Variants in LARS2 observed in about 807,000 individuals in gnomAD.
LARS2 encodes the protein leucine--tRNA ligase, mitochondrial.
In LARS2, 81 loss-of-function variants were observed where a neutral mutation model predicts 116.6. The ratio of observed to expected loss-of-function variants is 0.69; its 90% confidence interval spans 0.58 to 0.84. The LOEUF (loss-of-function observed/expected upper bound fraction) is 0.84, where lower values mean the gene tolerates loss of function less well. Ranked by LOEUF, LARS2 falls within the 40% of genes least tolerant of loss-of-function variation. The pLI is 0.00. For missense variants in LARS2, 968 were observed against 1,114.5 expected, an observed-to-expected ratio of 0.87 and a Z score of 1.87; for synonymous variants, 396 against 407.2, an observed-to-expected ratio of 0.97 and a Z score of 0.33.
intron 15 of LARS2, among the ~76,000 whole-genome samples, chr3:45,505,754 A>G (rs1194486967): frequency 6.6e-6 from 1 of 152,054 alleles, no homozygotes; most frequent in Non-Finnish European, 1.5e-5. Flanking sequence ...TATGTAAGTG[A>G]TTTCTAGCTC....
chr3:45,494,105 G>T (rs1403567447), intron 13 of LARS2, among the ~76,000 whole-genome samples: 1 of 152,108 alleles, frequency 6.6e-6, no homozygotes. Context: ...TTCCCCGAGG[G>T]CTCTCTCTGA....
chr3:45,443,957 C>T (rs1051142783), intron 6 of LARS2, among the ~76,000 whole-genome samples: 2 of 151,416 alleles, frequency 1.3e-5, no homozygotes, highest in Non-Finnish European at 2.9e-5. Flanking sequence ...AGTAGGCTAA[C>T]GCTTGGTTGG....
intron 14 of LARS2, among the ~76,000 whole-genome samples, chr3:45,496,948 C>A (rs1343672172): frequency 6.6e-6 from 1 of 152,210 alleles, no homozygotes; most frequent in Middle Eastern, 3.2e-3. Context: ...ACCCTCCTTG[C>A]AGTGAACTGC....
intron 8 of LARS2, among the ~76,000 whole-genome samples, chr3:45,472,490 A>G (rs1457976766): frequency 2.6e-5 from 4 of 152,176 alleles, no homozygotes; most frequent in African/African-American, 7.2e-5. Flanking sequence ...CTATAAAGAG[A>G]GAGGATTCTG....
At chr3:45,519,486 G>A (rs1449754072) in intron 18 of LARS2, among the ~76,000 whole-genome samples, 5 of 94,058 alleles carry the variant, frequency 5.3e-5, no homozygotes, top group African/African-American at 5.9e-5. Context: ...GCGAGTCTCC[G>A]TCTCAAAAAA....
rs751609685 is a variant in LARS2, at chr3:45,496,308, G to A, written c.1557G>A (p.Thr519=). 1.4e-5 allele frequency: 23 copies of A among 1,613,934 alleles called. No homozygotes were observed. Among genetic ancestry groups the A allele is most frequent in the South Asian group, 7.7e-5 (7 of 91,088 alleles). ...CKGAAKRETD[T]MDTFVDSAWY... ...GAGCAGCCAAGAGAGAGACAGACAC[G>A]ATGGATACCTTTGTTGATTCTGCTT... The change falls in exon 14 of 22, where the codon ACG becomes ACA. Residue 519 remains threonine, a synonymous_variant. Coordinates refer to ENST00000645846, the MANE Select transcript of LARS2 (RefSeq NM_015340.4).
intron 14 of LARS2, among the ~76,000 whole-genome samples, chr3:45,500,154 A>G (rs1700094798): frequency 6.6e-6 from 1 of 152,100 alleles, no homozygotes; most frequent in Non-Finnish European, 1.5e-5. Flanking sequence ...GGTGCCCACC[A>G]CTACAACTGG....
chr3:45,467,601 A>G (rs956970132), intron 8 of LARS2, among the ~76,000 whole-genome samples: 2 of 152,224 alleles, frequency 1.3e-5, no homozygotes, highest in Admixed American at 1.3e-4. Flanking sequence ...AATGCTCTCA[A>G]TATATTGTAA....
At chr3:45,538,748 A>G (rs74937056) in intron 20 of LARS2, among the ~76,000 whole-genome samples, 7,310 of 152,304 alleles carry the variant, frequency 0.048, 183 homozygotes, top group Middle Eastern at 0.085. Context: ...AAATAAGGCT[A>G]TGGCACTGGC....
At chr3:45,414,648 G>T (rs747253007) in intron 4 of LARS2, among the ~76,000 whole-genome samples, 2 of 151,874 alleles carry the variant, frequency 1.3e-5, no homozygotes, top group Admixed American at 6.6e-5. Flanking sequence ...AGGATAGCTG[G>T]CAGCCAGGAG....
intron 14 of LARS2, among the ~76,000 whole-genome samples, chr3:45,497,165 G>T (rs1700027305): frequency 6.6e-6 from 1 of 151,108 alleles, no homozygotes; most frequent in South Asian, 2.1e-4. Context: ...ACAACCAAAA[G>T]AATTAAAAGT....
intron 10 of LARS2, among the ~76,000 whole-genome samples, chr3:45,484,603 C>CA (rs1156814528): frequency 0.026 from 385 of 14,728 alleles, 89 homozygotes; most frequent in African/African-American, 0.067. Context: ...CCTGTCTCTA[C>CA]AAAAAAAAAA....
intron 17 of LARS2, 45 bp downstream of exon 17, chr3:45,516,321 C>A: frequency 6.4e-7 from 1 of 1,563,142 alleles, no homozygotes; most frequent in South Asian, 1.2e-5. Context: ...TGTGATCTGC[C>A]CTGGACTTTG....
At chr3:45,484,630 A>AAAAAATATAT (rs1553634443) in intron 10 of LARS2, among the ~76,000 whole-genome samples, 1 of 9,746 alleles carries the variant, frequency 1.0e-4, no homozygotes, top group African/African-American at 1.8e-4. Flanking sequence ...AAAAAAAAAA[A>AAAAAATATAT]ATATATATAT....
intron 6 of LARS2, among the ~76,000 whole-genome samples, chr3:45,438,382 C>T (rs1294278993): frequency 6.6e-6 from 1 of 152,096 alleles, no homozygotes; most frequent in African/African-American, 2.4e-5. Flanking sequence ...GGTTTTGCTT[C>T]TGCCACCCAG....
chr3:45,486,872 A>C (rs1379605468), intron 11 of LARS2, among the ~76,000 whole-genome samples: 1 of 152,128 alleles, frequency 6.6e-6, no homozygotes, highest in Non-Finnish European at 1.5e-5. Flanking sequence ...ATTTTGAATC[A>C]TTACTGACAC....
intron 15 of LARS2, among the ~76,000 whole-genome samples, chr3:45,504,815 C>A (rs188132249): frequency 1.9e-4 from 28 of 150,754 alleles, no homozygotes; most frequent in African/African-American, 6.8e-4. Context: ...TGTGATGGCT[C>A]ACACCTGTAA....
intron 8 of LARS2, among the ~76,000 whole-genome samples, chr3:45,459,657 C>G (rs1699280005): frequency 1.3e-5 from 2 of 152,146 alleles, no homozygotes; most frequent in African/African-American, 4.8e-5. Flanking sequence ...GGTACTGGAA[C>G]CACTCTGTGC....
chr3:45,473,257 A>G (rs1699556592), intron 8 of LARS2, among the ~76,000 whole-genome samples: 1 of 152,228 alleles, frequency 6.6e-6, no homozygotes, highest in African/African-American at 2.4e-5. Context: ...TTATTGTAAA[A>G]TGAAATATGG....
Sources: gnomAD v4.1 joint callset for allele counts (sites outside exome capture counted in the v4.1 genomes callset) on GRCh38, gnomAD v4.1.1 for gene constraint, MANE v1.5 for transcripts, NCBI Gene and HGNC (gene_info 2026-07-23, HGNC 2026-07-21) for gene names.